CORIN: variants seen among roughly 807,000 people sequenced by gnomAD.
The protein encoded by CORIN is corin, serine peptidase, also known as atrial natriuretic peptide-converting enzyme.
Under a neutral mutation model 125.3 loss-of-function variants are expected in CORIN, and 117 were observed. The ratio of observed to expected loss-of-function variants is 0.93; its 90% CI spans 0.80 to 1.09. The LOEUF is 1.09. CORIN is among the 50% of genes least tolerant of loss of function. The pLI is 0.00. For synonymous variants in CORIN, 450 were observed against 466.4 expected, an observed-to-expected ratio of 0.96 and a Z score of 0.45; for missense variants, 1,253 against 1,306.7, an observed-to-expected ratio of 0.96 and a Z score of 0.63.
intron 5 of CORIN, among the ~76,000 whole-genome samples, chr4:47,730,191 C>A (rs767494934): frequency 2.3e-4 from 35 of 152,070 alleles, no homozygotes; most frequent in Non-Finnish European, 4.3e-4. Flanking sequence ...AAAGAGCTTG[C>A]AGGCCGGGCG....
intron 1 of CORIN, among the ~76,000 whole-genome samples, chr4:47,832,756 C>T (rs1228009592): frequency 6.6e-6 from 1 of 151,904 alleles, no homozygotes; most frequent in Non-Finnish European, 1.5e-5. Flanking sequence ...TTTTATCATC[C>T]TAAAATCTTA....
chr4:47,791,252 A>G (rs908566759), intron 2 of CORIN, among the ~76,000 whole-genome samples: 5 of 152,166 alleles, frequency 3.3e-5, no homozygotes, highest in Non-Finnish European at 1.5e-5. Context: ...GAAAAACTCA[A>G]TGGACCATTG....
intron 10 of CORIN, among the ~76,000 whole-genome samples, chr4:47,665,969 T>C (rs1252903199): frequency 1.3e-5 from 2 of 152,220 alleles, no homozygotes; most frequent in Non-Finnish European, 2.9e-5. Context: ...TTATGCACCC[T>C]GTTTGCTCCT....
intron 12 of CORIN, among the ~76,000 whole-genome samples, chr4:47,655,523 T>C (rs1028407305): frequency 6.6e-6 from 1 of 152,104 alleles, no homozygotes; most frequent in Non-Finnish European, 1.5e-5. Context: ...GAGTGAACAC[T>C]TGTGGTTTGG....
chr4:47,595,984 A>C, intron 21 of CORIN, 81 bp from the exon 22 acceptor site: 1 of 1,170,022 alleles, frequency 8.5e-7, no homozygotes, highest in Non-Finnish European at 1.2e-6. Context: ...GGATACTATA[A>C]AGCTAAACCC....
chr4:47,823,545 T>A (rs1732612887), intron 1 of CORIN, among the ~76,000 whole-genome samples: 1 of 152,236 alleles, frequency 6.6e-6, no homozygotes, highest in Non-Finnish European at 1.5e-5. Flanking sequence ...CATTCACATA[T>A]GTACACATAC....
At chr4:47,600,046 A>G (rs889309488) in intron 21 of CORIN, among the ~76,000 whole-genome samples, 168 bp downstream of exon 21, 1 of 152,200 alleles carries the variant, frequency 6.6e-6, no homozygotes, top group African/African-American at 2.4e-5. Flanking sequence ...AATTGTGGGG[A>G]TTGCTTGTGT....
intron 14 of CORIN, among the ~76,000 whole-genome samples, 184 bp downstream of exon 14, chr4:47,644,897 A>G (rs1723398825): frequency 1.3e-5 from 2 of 152,210 alleles, no homozygotes; most frequent in Non-Finnish European, 2.9e-5. Context: ...TATAGTGTAT[A>G]TATTTTACAC....
rs56004491 is a variant in CORIN at position 47,626,528 on chromosome 4, C to T, written c.2199-7G>A. 512 of 1,545,518 alleles carry T rather than the reference C, an allele frequency of 3.3e-4. No individual in the cohort carries two copies. Among genetic ancestry groups the T allele is most frequent in the Admixed American group, 1.6e-3 (93 of 59,936 alleles). On this transcript the variant is annotated splice_polypyrimidine_tract_variant and splice_region_variant and intron_variant, in intron 16 of 21. Coordinates refer to ENST00000273857, the MANE Select transcript of CORIN (RefSeq NM_006587.4). ...TTTGGTCACAGATGGTTCTCTGATA[C>T]AAGGCAAATACTGGATAAGTATTCA...
At chr4:47,603,749 T>TATTTA (rs1721540194) in intron 19 of CORIN, 81 bp from the exon 20 acceptor site, 1 of 1,477,526 alleles carries the variant, frequency 6.8e-7, no homozygotes, top group Middle Eastern at 1.8e-4. Context: ...TAAAACATTT[T>TATTTA]ATTTATGTAA....
intron 1 of CORIN, among the ~76,000 whole-genome samples, chr4:47,823,324 GA>G (rs1012709348): frequency 6.6e-6 from 1 of 152,090 alleles, no homozygotes; most frequent in African/African-American, 2.4e-5. Context: ...AAGATGCTTT[GA>G]ATTCATCTGC....
At chr4:47,713,898 T>G (rs976016854) in intron 5 of CORIN, among the ~76,000 whole-genome samples, 1 of 152,226 alleles carries the variant, frequency 6.6e-6, no homozygotes, top group Non-Finnish European at 1.5e-5. Flanking sequence ...TTTGTTTTTT[T>G]GCTTTTTAAT....
At chr4:47,625,322 A>G (rs1015291538) in intron 17 of CORIN, among the ~76,000 whole-genome samples, 6 of 152,166 alleles carry the variant, frequency 3.9e-5, no homozygotes, top group Admixed American at 2.0e-4. Context: ...ATCAAAGACT[A>G]TTCATCCAAC....
intron 16 of CORIN, among the ~76,000 whole-genome samples, chr4:47,634,082 A>G (rs1451067369): frequency 6.6e-6 from 1 of 152,204 alleles, no homozygotes; most frequent in African/African-American, 2.4e-5. Context: ...GAGTATCAAA[A>G]AGTGGAAATG....
chr4:47,656,514 A>G (rs1403560379), intron 12 of CORIN, among the ~76,000 whole-genome samples: 1 of 152,212 alleles, frequency 6.6e-6, no homozygotes, highest in Non-Finnish European at 1.5e-5. Context: ...GTGATACATC[A>G]TAACAACAGA....
intron 2 of CORIN, among the ~76,000 whole-genome samples, chr4:47,804,889 AT>A (rs1253146920): frequency 2.6e-5 from 4 of 151,894 alleles, no homozygotes; most frequent in African/African-American, 4.8e-5. Context: ...AAAATATAAG[AT>A]TTTTGGGAGG....
intron 13 of CORIN, among the ~76,000 whole-genome samples, chr4:47,647,698 G>C (rs1459558000): frequency 1.3e-5 from 2 of 152,212 alleles, no homozygotes; most frequent in Admixed American, 1.3e-4. Context: ...TACGGAGAAA[G>C]ATCTGGATGG....
chr4:47,818,706 C>T (rs1732376054), intron 1 of CORIN, among the ~76,000 whole-genome samples: 1 of 151,884 alleles, frequency 6.6e-6, no homozygotes, highest in African/African-American at 2.4e-5. Flanking sequence ...AAACTCGTCT[C>T]TAACAAAAAT....
chr4:47,674,267 G>GA, intron 10 of CORIN, 126 bp downstream of exon 10: 1 of 687,434 alleles, frequency 1.5e-6, no homozygotes, highest in Non-Finnish European at 2.5e-6. Context: ...CTTTTAAAAA[G>GA]AAAAAGAAAA....
Sources: allele counts gnomAD v4.1 joint callset (sites outside exome capture counted in the v4.1 genomes callset), GRCh38; gene constraint gnomAD v4.1.1; transcripts MANE v1.5; gene names NCBI Gene and HGNC (gene_info 2026-07-23, HGNC 2026-07-21).